The following PPP2R5E variants were observed in gnomAD, a reference collection of about 807,000 sequenced individuals.
PPP2R5E encodes serine/threonine-protein phosphatase 2A 56 kDa regulatory subunit epsilon isoform.
Under a neutral mutation model 65.3 loss-of-function variants are expected in PPP2R5E, and 4 were observed. That is an observed-to-expected ratio of 0.06 (90% confidence interval 0.03 to 0.14). The LOEUF is 0.14. Ranked by LOEUF, PPP2R5E falls within the 10% of genes least tolerant of loss-of-function variation. The pLI, the probability that PPP2R5E is intolerant of heterozygous loss-of-function variation, is 1.00. For synonymous variants in PPP2R5E, 183 were observed against 187.4 expected (o/e 0.98, Z 0.19); for missense variants, 274 against 556.1 (o/e 0.49, Z 5.10).
At chr14:63,515,195 A>T (rs1294531655) in intron 2 of PPP2R5E, among the ~76,000 whole-genome samples, 1 of 152,242 alleles carries the variant, frequency 6.6e-6, no homozygotes, top group East Asian at 1.9e-4. Flanking sequence ...GGAGAAAATA[A>T]ACAACTATAC....
Position 63,380,481 on chromosome 14 carries a change from T to G in PPP2R5E, c.1304+1575A>C, listed in dbSNP as rs372499103. On this transcript the variant is annotated intron_variant, in intron 13 of 13. Transcript: ENST00000337537. ...ATCGAGACCATCCTGACTAGCACAG[T>G]GAAACCCTGTCTCTAGTAAAAATAC... Among the ~76,000 whole-genome samples the G allele has an allele frequency of 2.4e-4, 37 of 152,042 alleles. No homozygotes were observed. The East Asian group carries it at 7.2e-3, about 30-fold the overall frequency.
chr14:63,387,732 C>A (rs74978098), intron 11 of PPP2R5E, among the ~76,000 whole-genome samples: 1 of 152,318 alleles, frequency 6.6e-6, no homozygotes, highest in East Asian at 1.9e-4. Flanking sequence ...AAGTCCTAAT[C>A]CCCAACGTGA....
chr14:63,482,073 T>C (rs1890731871), intron 2 of PPP2R5E, among the ~76,000 whole-genome samples: 1 of 152,246 alleles, frequency 6.6e-6, no homozygotes, highest in African/African-American at 2.4e-5. Flanking sequence ...TATGCAACTA[T>C]GTAAACATGT....
At chr14:63,494,567 C>A (rs1891446153) in intron 2 of PPP2R5E, among the ~76,000 whole-genome samples, 2 of 149,148 alleles carry the variant, frequency 1.3e-5, no homozygotes, top group African/African-American at 2.5e-5. Context: ...AAAAGACAAC[C>A]AAAAAAAAAT....
intron 10 of PPP2R5E, 113 bp downstream of exon 10, chr14:63,391,704 T>C: frequency 1.7e-6 from 2 of 1,171,898 alleles, no homozygotes; most frequent in Non-Finnish European, 2.5e-6. Flanking sequence ...ATTACAGGCA[T>C]GAGCCACTGC....
chr14:63,468,525 TG>T (rs2139545849), intron 2 of PPP2R5E, among the ~76,000 whole-genome samples: 1 of 152,282 alleles, frequency 6.6e-6, no homozygotes, highest in African/African-American at 2.4e-5. Context: ...AGTTAGCATT[TG>T]GATGGAAGAA....
At chr14:63,516,983 C>T (rs1315136425) in intron 2 of PPP2R5E, among the ~76,000 whole-genome samples, 1 of 152,008 alleles carries the variant, frequency 6.6e-6, no homozygotes, top group Non-Finnish European at 1.5e-5. Context: ...TTTTTAAAAA[C>T]AAACACTCAC....
chr14:63,395,157 G>T, intron 7 of PPP2R5E, 69 bp downstream of exon 7: 1 of 1,321,812 alleles, frequency 7.6e-7, no homozygotes, highest in Non-Finnish European at 1.1e-6. Context: ...AGCATCTCTT[G>T]GTGCCACCTG....
chr14:63,521,662 C>CA (rs1344985960), intron 2 of PPP2R5E, among the ~76,000 whole-genome samples: 3 of 151,288 alleles, frequency 2.0e-5, no homozygotes, highest in Non-Finnish European at 2.9e-5. Context: ...GACTCAGTCT[C>CA]AAAAAAAAGA....
intron 4 of PPP2R5E, 120 bp downstream of exon 4, chr14:63,421,873 T>C: frequency 1.4e-6 from 1 of 719,022 alleles, no homozygotes; most frequent in East Asian, 2.7e-5. Flanking sequence ...ATTCTCTAAC[T>C]TTCCATTAGT....
Position 63,539,629 on chromosome 14 carries a change from C to G in PPP2R5E, c.57G>C (p.Arg19=), listed in dbSNP as rs1017617850. 4 of 1,614,004 alleles carry G rather than the reference C, an allele frequency of 2.5e-6. No homozygotes were observed. The highest frequency in any genetic ancestry group is 3.3e-5 in the Admixed American group (2 of 60,020). Reference sequence around the variant, plus strand: ...TCTGTCTGGCTTTTCTGACGGACTTCCGAGAAAATCCGTCTACTTTATCCA... The same window carrying G: ...TCTGTCTGGCTTTTCTGACGGACTTGCGAGAAAATCCGTCTACTTTATCCA... ...PSVDKVDGFS[R]KSVRKARQKR... The change falls in exon 2 of 14, where the codon CGG becomes CGC. Residue 19 remains arginine (R), a synonymous_variant. Coordinates refer to ENST00000337537, the MANE Select transcript of PPP2R5E (RefSeq NM_006246.5).
Position 63,456,092 on chromosome 14 carries a change from C to T in PPP2R5E, c.158-2207G>A, listed in dbSNP as rs372665754. ...AGAAAAAGCTTATTAATATAACATTCGTTACAGGTCAAAATCTTTAGGGAA... is the reference window on the plus strand; with the variant it reads ...AGAAAAAGCTTATTAATATAACATTTGTTACAGGTCAAAATCTTTAGGGAA... On this transcript the variant is annotated intron_variant, in intron 2 of 13. Transcript: ENST00000337537. Among the ~76,000 whole-genome samples, 5 of 152,214 alleles carry T rather than the reference C, an allele frequency of 3.3e-5. No individual in the cohort carries two copies. In the East Asian group the frequency reaches 5.8e-4, roughly 18 times the overall value.
chr14:63,389,858 A>G (rs946357604), intron 10 of PPP2R5E, 127 bp from the exon 11 acceptor site: 13 of 1,012,256 alleles, frequency 1.3e-5, no homozygotes, highest in Admixed American at 3.3e-5. Context: ...ACATACATGA[A>G]CCAGTCATTA....
intron 7 of PPP2R5E, among the ~76,000 whole-genome samples, 190 bp downstream of exon 7, chr14:63,395,036 A>G (rs1885240557): frequency 6.6e-6 from 1 of 152,210 alleles, no homozygotes; most frequent in Admixed American, 6.5e-5. Context: ...GGCAATGCAT[A>G]CTTGTGGAAC....
chr14:63,515,122 G>A (rs963431731), intron 2 of PPP2R5E, among the ~76,000 whole-genome samples: 1 of 151,790 alleles, frequency 6.6e-6, no homozygotes, highest in South Asian at 2.1e-4. Flanking sequence ...AAGCCCACCT[G>A]CAAAACTACT....
intron 3 of PPP2R5E, among the ~76,000 whole-genome samples, chr14:63,424,767 AC>A (rs1887241703): frequency 6.6e-6 from 1 of 151,364 alleles, no homozygotes; most frequent in Non-Finnish European, 1.5e-5. Context: ...AAAAAAAAAG[AC>A]AGAAAGGGTC....
chr14:63,505,924 G>A lies in PPP2R5E; in HGVS notation c.157+33605C>T, dbSNP rs1255633. ...ATATGAAAAAATATATACACCCTAG[G>A]TATCCAAGAGACAAAATCACAACGT... On this transcript the variant is annotated intron_variant, in intron 2 of 13. Transcript: ENST00000337537. Among the ~76,000 whole-genome samples, 1,075 of 152,190 alleles carry A rather than the reference G, an allele frequency of 7.1e-3. 17 individuals are homozygous for A. Among genetic ancestry groups the A allele is most frequent in the African/African-American group, 0.024 (1,017 of 41,516 alleles).
At chr14:63,426,422 A>G (rs1028812144) in intron 3 of PPP2R5E, among the ~76,000 whole-genome samples, 1 of 152,196 alleles carries the variant, frequency 6.6e-6, no homozygotes, top group African/African-American at 2.4e-5. Flanking sequence ...CAAAAAAAAA[A>G]AAGTTTATAA....
At chr14:63,520,857 T>TCCAAAAAAAAAA (rs1892873634) in intron 2 of PPP2R5E, among the ~76,000 whole-genome samples, 1 of 11,010 alleles carries the variant, frequency 9.1e-5, no homozygotes, top group Non-Finnish European at 2.1e-4. Context: ...CTACTAAAAA[T>TCCAAAAAAAAAA]ACAAAAAAAA....
Sources: gnomAD v4.1 joint callset for allele counts (sites outside exome capture counted in the v4.1 genomes callset) on GRCh38, gnomAD v4.1.1 for gene constraint, MANE v1.5 for transcripts, NCBI Gene and HGNC (gene_info 2026-07-23, HGNC 2026-07-21) for gene names.